TENM3: variants seen among roughly 807,000 people sequenced by gnomAD.
The protein encoded by TENM3 is teneurin-3.
In TENM3, 63 loss-of-function variants were observed where a neutral mutation model predicts 255.1. The ratio of observed to expected loss-of-function variants is 0.25; its 90% CI spans 0.20 to 0.30. The LOEUF (loss-of-function observed/expected upper bound fraction) is 0.30. Among genes scored for constraint, TENM3 ranks in the 10% least tolerant of loss-of-function variants. TENM3 has a pLI of 1.00. For missense variants in TENM3, 2,929 were observed against 3,461.1 expected, an observed-to-expected ratio of 0.85 and a Z score of 3.86; for synonymous variants, 1,306 against 1,322.3, an observed-to-expected ratio of 0.99 and a Z score of 0.27.
the TENM3 span, among the ~76,000 whole-genome samples, chr4:181,870,630 T>C: frequency 1.3e-5 from 2 of 152,152 alleles, no homozygotes; most frequent in African/African-American, 4.8e-5. Flanking sequence ...TATGCTTGTC[T>C]GACTTGCTTT....
chr4:182,039,928 G>A, the TENM3 span, among the ~76,000 whole-genome samples: 8 of 140,972 alleles, frequency 5.7e-5, no homozygotes, highest in Non-Finnish European at 1.2e-4. Context: ...GACAGGAGGG[G>A]ATGGAAGGGG....
chr4:182,638,263 A>G (rs1313767872), intron 5 of TENM3, among the ~76,000 whole-genome samples: 2 of 152,214 alleles, frequency 1.3e-5, no homozygotes, highest in Non-Finnish European at 1.5e-5. Context: ...AAATGTTTTT[A>G]AAAACTGGTA....
intron 3 of TENM3, among the ~76,000 whole-genome samples, chr4:182,545,756 C>T (rs1053981378): frequency 7.2e-5 from 11 of 152,096 alleles, no homozygotes; most frequent in African/African-American, 2.7e-4. Flanking sequence ...AAAACCTTCC[C>T]TCACTGCCCT....
the TENM3 span, among the ~76,000 whole-genome samples, chr4:181,896,539 A>G: frequency 6.6e-6 from 1 of 152,202 alleles, no homozygotes; most frequent in Non-Finnish European, 1.5e-5. Flanking sequence ...AGCTTTCCCC[A>G]GATGCATCTC....
At chr4:181,497,156 A>G in the TENM3 span, among the ~76,000 whole-genome samples, 4 of 152,186 alleles carry the variant, frequency 2.6e-5, no homozygotes, top group African/African-American at 9.6e-5. Context: ...AGACATATGC[A>G]CATGTATACA....
At chr4:182,323,087 T>A (rs1406050067) in intron 1 of TENM3, among the ~76,000 whole-genome samples, 1 of 152,116 alleles carries the variant, frequency 6.6e-6, no homozygotes, top group Non-Finnish European at 1.5e-5. Context: ...CTCTCCCTCT[T>A]GAAGGCCCCA....
intron 3 of TENM3, among the ~76,000 whole-genome samples, chr4:182,400,941 A>T (rs1769179538): frequency 6.6e-6 from 1 of 152,186 alleles, no homozygotes; most frequent in African/African-American, 2.4e-5. Context: ...CAGCTTCAAG[A>T]TTTGACTTTT....
chr4:181,665,580 A>G, the TENM3 span, among the ~76,000 whole-genome samples: 2 of 152,074 alleles, frequency 1.3e-5, no homozygotes, highest in Non-Finnish European at 2.9e-5. Flanking sequence ...ATATATACAA[A>G]TTTACATGTA....
At chr4:182,187,826 A>G (rs10012909) in intron 1 of TENM3, among the ~76,000 whole-genome samples, 2,836 of 152,276 alleles carry the variant, frequency 0.019, 86 homozygotes, top group African/African-American at 0.065. Flanking sequence ...TTTTTTGTCA[A>G]GCAGTAACAA....
chr4:182,590,496 G>C lies in TENM3; in HGVS notation c.512-10428G>C, dbSNP rs969479948. 3.7e-5 allele frequency among the ~76,000 whole-genome samples: 5 copies of C among 135,738 alleles called. 1 individual carries two copies. The East Asian group carries it at 1.2e-3, about 32-fold the overall frequency. 89.0% of individuals were successfully genotyped at this position (135,738 alleles called of 152,430 possible). On this transcript the variant is annotated intron_variant, in intron 3 of 27. Coordinates refer to ENST00000511685, the MANE Select transcript of TENM3 (RefSeq NM_001080477.4). ...CTACAAACAATACAAAAATTATCCAGGTTTGGTGGCACATGCCCAGCAATA... is the reference window on the plus strand; with the variant it reads ...CTACAAACAATACAAAAATTATCCACGTTTGGTGGCACATGCCCAGCAATA...
intron 3 of TENM3, among the ~76,000 whole-genome samples, chr4:182,413,444 CTG>C (rs1770151974): frequency 6.6e-6 from 1 of 152,134 alleles, no homozygotes; most frequent in African/African-American, 2.4e-5. Flanking sequence ...TGGCGAAACC[CTG>C]TCTCTACTAA....
the TENM3 span, among the ~76,000 whole-genome samples, chr4:182,003,608 G>A: frequency 5.3e-5 from 8 of 151,966 alleles, no homozygotes; most frequent in African/African-American, 1.9e-4. Context: ...ACATGATATT[G>A]ACTTTGTTTT....
At chr4:181,492,699 A>C in the TENM3 span, among the ~76,000 whole-genome samples, 2 of 152,190 alleles carry the variant, frequency 1.3e-5, no homozygotes, top group Admixed American at 6.5e-5. Flanking sequence ...CTGTGTTGCA[A>C]AATACAACAG....
At chr4:182,373,959 C>T (rs1210799383) in intron 3 of TENM3, among the ~76,000 whole-genome samples, 1 of 152,146 alleles carries the variant, frequency 6.6e-6, no homozygotes, top group Non-Finnish European at 1.5e-5. Context: ...ATTCACTCAA[C>T]AAACACAGCC....
chr4:181,544,196 C>G, the TENM3 span, among the ~76,000 whole-genome samples: 16 of 151,882 alleles, frequency 1.1e-4, no homozygotes, highest in African/African-American at 3.6e-4. Flanking sequence ...AACATCATAT[C>G]AAGGTAAAAA....
intron 4 of TENM3, among the ~76,000 whole-genome samples, chr4:182,628,008 C>G (rs147379884): frequency 2.1e-3 from 319 of 152,196 alleles, no homozygotes; most frequent in African/African-American, 7.0e-3. Flanking sequence ...GTCCCTACCC[C>G]CAGCAGGTTC....
chr4:182,299,363 A>G (rs888433602), intron 1 of TENM3, among the ~76,000 whole-genome samples: 3 of 152,220 alleles, frequency 2.0e-5, no homozygotes, highest in Non-Finnish European at 2.9e-5. Context: ...CATTGAATCA[A>G]TATGGAGCAA....
chr4:181,606,883 C>T, the TENM3 span, among the ~76,000 whole-genome samples: 1 of 152,100 alleles, frequency 6.6e-6, no homozygotes, highest in Non-Finnish European at 1.5e-5. Flanking sequence ...GGTTCACCAG[C>T]CCAGGGCCAT....
rs563679448 is a variant in TENM3, at chr4:182,414,451, G to A, written c.511+67522G>A. ...AAGTGAAATCTATCATTTTAATAAT[G>A]AGTATAGAAAAAATACTATGCTTCA... is the stretch of plus-strand genomic sequence containing the variant. On this transcript the variant is annotated intron_variant, in intron 3 of 27. Transcript: ENST00000511685. Among the ~76,000 whole-genome samples, 5 of 152,146 alleles carry A rather than the reference G, an allele frequency of 3.3e-5. No homozygotes were observed. In the South Asian group the frequency reaches 8.3e-4, roughly 25 times the overall value.
Sources: gnomAD v4.1 joint callset for allele counts (sites outside exome capture counted in the v4.1 genomes callset) on GRCh38, gnomAD v4.1.1 for gene constraint, MANE v1.5 for transcripts, NCBI Gene and HGNC (gene_info 2026-07-23, HGNC 2026-07-21) for gene names.